Variants in PARVA observed in about 807,000 individuals in gnomAD.
PARVA encodes parvin alpha.
A neutral mutation model predicts 52.6 loss-of-function variants in PARVA; 25 were observed. The ratio of observed to expected loss-of-function variants is 0.48; its 90% CI spans 0.35 to 0.66. The LOEUF is 0.66. Among genes scored for constraint, PARVA ranks in the 30% least tolerant of loss-of-function variants. The pLI, the probability that PARVA is intolerant of heterozygous loss-of-function variation, is 0.01. For synonymous variants in PARVA, 185 were observed against 179.1 expected (o/e 1.03, Z -0.26); for missense variants, 373 against 450.9 (o/e 0.83, Z 1.56).
Position 12,521,410 on chromosome 11 carries a change from T to A in PARVA, c.1042+2893T>A, listed in dbSNP as rs551313447. Among the ~76,000 whole-genome samples the A allele has an allele frequency of 3.9e-5, 6 of 152,374 alleles. No individual in the cohort carries two copies. In the East Asian group the frequency reaches 1.2e-3, roughly 29 times the overall value. On this transcript the variant is annotated intron_variant, in intron 12 of 12. Transcript: ENST00000334956. ...GTAGAGCAACAGAAACTGCTGGTGT[T>A]CTAAATTGCTAGAACCATTTTATTT...
intron 1 of PARVA, among the ~76,000 whole-genome samples, chr11:12,427,189 T>A (rs1940249757): frequency 6.6e-6 from 1 of 152,200 alleles, no homozygotes; most frequent in Admixed American, 6.5e-5. Flanking sequence ...ATAAAAGAAA[T>A]CTGTCATATG....
chr11:12,479,139 C>T (rs1435122944), intron 4 of PARVA: 4 of 152,192 alleles, frequency 2.6e-5, no homozygotes, highest in African/African-American at 7.2e-5. Flanking sequence ...ATATATGCCA[C>T]ACATATTAAC....
chr11:12,477,747 A>T, intron 3 of PARVA, 100 bp from the exon 4 acceptor site: 1 of 702,924 alleles, frequency 1.4e-6, no homozygotes, highest in East Asian at 2.5e-5. Context: ...TCTAAAGTTA[A>T]TTTGGATTTT....
intron 5 of PARVA, among the ~76,000 whole-genome samples, chr11:12,502,177 A>C (rs1941370869): frequency 6.6e-6 from 1 of 152,206 alleles, no homozygotes; most frequent in Non-Finnish European, 1.5e-5. Context: ...AGTTCAGAGC[A>C]GTTCAGCTTC....
intron 1 of PARVA, among the ~76,000 whole-genome samples, chr11:12,406,627 A>C (rs1939911820): frequency 6.7e-6 from 1 of 150,218 alleles, no homozygotes; most frequent in Non-Finnish European, 1.5e-5. Context: ...ATTTATTTAA[A>C]ATTTCCACAT....
intron 1 of PARVA, among the ~76,000 whole-genome samples, chr11:12,383,188 T>C (rs912540170): frequency 2.6e-5 from 4 of 152,238 alleles, no homozygotes; most frequent in Non-Finnish European, 5.9e-5. Context: ...TTTTTCTTCT[T>C]CTTTTGGGTT....
At chr11:12,491,957 G>A (rs1245854567) in intron 4 of PARVA, among the ~76,000 whole-genome samples, 1 of 152,138 alleles carries the variant, frequency 6.6e-6, no homozygotes, top group African/African-American at 2.4e-5. Flanking sequence ...TTAGCATACA[G>A]ACCAAATTCT....
chr11:12,412,873 T>C (rs1433364080), intron 1 of PARVA, among the ~76,000 whole-genome samples: 2 of 152,336 alleles, frequency 1.3e-5, no homozygotes, highest in East Asian at 3.9e-4. Flanking sequence ...AGGCCAAAAG[T>C]ATCACTGAGA....
chr11:12,477,065 G>A (rs528410534), intron 3 of PARVA: 1 of 152,060 alleles, frequency 6.6e-6, no homozygotes, highest in South Asian at 2.1e-4. Context: ...AAACTACTGT[G>A]CACAATGACC....
intron 1 of PARVA, among the ~76,000 whole-genome samples, chr11:12,384,308 T>C (rs948128209): frequency 1.3e-5 from 2 of 152,202 alleles, no homozygotes; most frequent in Non-Finnish European, 2.9e-5. Context: ...TCTTTTCTTA[T>C]CTCCCAGTCA....
chr11:12,411,983 C>G (rs1392854139), intron 1 of PARVA, among the ~76,000 whole-genome samples: 4 of 152,148 alleles, frequency 2.6e-5, no homozygotes, highest in Non-Finnish European at 4.4e-5. Context: ...CCAGGAATGC[C>G]TTCCCTCCTT....
rs1028950282 is a variant in PARVA, at chr11:12,529,027, T to C, written c.*1102T>C. The C allele has an allele frequency of 6.6e-6, 1 of 152,626 alleles. No individual in the cohort carries two copies. The highest frequency in any genetic ancestry group is 1.5e-5 in the Non-Finnish European group (1 of 68,042). The allele number at this position is 152,626 out of a possible 1,614,324, so 9.5% of individuals were successfully genotyped here. ...CCGCAGAGAGCTGGGCACGGGCCCA[T>C]GTGAGCATCACTTTGGAAGTAGGGC... On this transcript the variant is annotated 3_prime_UTR_variant, in exon 13 of 13. Coordinates refer to ENST00000334956, the MANE Select transcript of PARVA (RefSeq NM_018222.5).
intron 12 of PARVA, among the ~76,000 whole-genome samples, 177 bp from the exon 13 acceptor site, chr11:12,527,672 C>T (rs1264291484): frequency 6.6e-6 from 1 of 152,128 alleles, no homozygotes; most frequent in Admixed American, 6.5e-5. Context: ...TGCTGTGCCC[C>T]AGCACCTCTA....
At chr11:12,527,252 A>G (rs778225213) in intron 12 of PARVA, among the ~76,000 whole-genome samples, 11 of 150,866 alleles carry the variant, frequency 7.3e-5, no homozygotes, top group South Asian at 2.1e-4. Context: ...GGGGCACGGA[A>G]GAAGGGAGGA....
chr11:12,394,849 G>C (rs58542814), intron 1 of PARVA, among the ~76,000 whole-genome samples: 18,937 of 152,044 alleles, frequency 0.12, 1,816 homozygotes, highest in African/African-American at 0.27. Context: ...TCCAGCACTT[G>C]GGGAGGCCGA....
chr11:12,377,317 T>G, upstream of PARVA: 1 of 856,650 alleles, frequency 1.2e-6, no homozygotes, highest in Non-Finnish European at 1.6e-6. Flanking sequence ...CCTGGGTAAA[T>G]GAAGCTTTCC....
In PARVA at chr11:12,528,721, G is replaced by C. The variant is rs1446398482; in HGVS notation, c.*796G>C. 1 of 152,614 alleles carries C rather than the reference G, an allele frequency of 6.6e-6. No homozygotes were observed. The allele number at this position is 152,614 out of a possible 1,614,324, so 9.5% of individuals were successfully genotyped here. On this transcript the variant is annotated 3_prime_UTR_variant, in exon 13 of 13. Coordinates refer to ENST00000334956, the MANE Select transcript of PARVA (RefSeq NM_018222.5). ...GAGCTTAGTGATTCACACTGAAATT[G>C]GCAAATTGGATTTAACCCAATTAAT...
chr11:12,476,499 A>AG (rs1228844578), intron 3 of PARVA, among the ~76,000 whole-genome samples: 1 of 144,332 alleles, frequency 6.9e-6, no homozygotes, highest in Non-Finnish European at 1.5e-5. Flanking sequence ...CCTCAAAAGG[A>AG]AAAAAAAAAA....
rs745561473 is a variant in PARVA at position 12,533,828 on chromosome 11, GAGGAGT to G, written c.*5907_*5912del. Reference sequence around the variant, plus strand: ...GTAGGCGGAGGAGGAGGAGGAGGAGGAGGAGTAGGGGTTGGTCTTGCTGTCTGAGGG... The same window carrying G: ...GTAGGCGGAGGAGGAGGAGGAGGAGGAGGGGTTGGTCTTGCTGTCTGAGGG... On this transcript the variant is annotated 3_prime_UTR_variant, in exon 13 of 13. Transcript: ENST00000334956. 5.4e-4 allele frequency among the ~76,000 whole-genome samples: 82 copies of G among 152,030 alleles called. No homozygotes were observed. The highest frequency in any genetic ancestry group is 1.5e-3 in the South Asian group (7 of 4,806).
Sources: allele counts gnomAD v4.1 joint callset (sites outside exome capture counted in the v4.1 genomes callset), GRCh38; gene constraint gnomAD v4.1.1; transcripts MANE v1.5; gene names NCBI Gene and HGNC (gene_info 2026-07-23, HGNC 2026-07-21).